RBMXL1: variants seen among roughly 807,000 people sequenced by gnomAD.
RBMXL1 encodes the protein RBMX like 1.
In RBMXL1, 18 loss-of-function variants were observed where a neutral mutation model predicts 29.0. The observed-to-expected ratio is 0.62, with a 90% CI of 0.43 to 0.92. The LOEUF (loss-of-function observed/expected upper bound fraction) is 0.92, where lower values mean the gene tolerates loss of function less well. RBMXL1 is among the 40% of genes least tolerant of loss of function. The pLI is 0.00. For synonymous variants in RBMXL1, 141 were observed against 170.4 expected, an observed-to-expected ratio of 0.83 and a Z score of 1.34; for missense variants, 403 against 495.8, an observed-to-expected ratio of 0.81 and a Z score of 1.78.
At chr1:88,988,138 A>G (rs1677577223) in intron 2 of RBMXL1, 114 bp downstream of exon 2, 1 of 659,288 alleles carries the variant, frequency 1.5e-6, no homozygotes, top group Non-Finnish European at 2.6e-6. Context: ...CAGCATATGT[A>G]ATAGAAATGT....
At chr1:88,988,112 T>C (rs1170587035) in intron 2 of RBMXL1, 140 bp downstream of exon 2, 1 of 581,274 alleles carries the variant, frequency 1.7e-6, no homozygotes. Flanking sequence ...TTCTAGTCAA[T>C]GACAAGAGAC....
At chr1:88,991,982 G>GTTTT (rs1368135539) in intron 1 of RBMXL1, among the ~76,000 whole-genome samples, 5 of 21,048 alleles carry the variant, frequency 2.4e-4, no homozygotes, top group South Asian at 3.1e-3. Context: ...GTATTCTTTT[G>GTTTT]GTTTTTTTTT....
At position 88,982,787 on chromosome 1, in the gene RBMXL1, C is replaced by T; in HGVS notation, c.1040G>A (p.Gly347Glu). 1 of 1,613,940 alleles carries T rather than the reference C, an allele frequency of 6.2e-7. No individual in the cohort carries two copies. The highest frequency in any genetic ancestry group is 8.5e-7 in the Non-Finnish European group (1 of 1,179,874). The change falls in exon 3 of 3, where the codon GGG becomes GAG. Residue 347 changes from glycine (G) to glutamate (E), a missense_variant. By Grantham distance (98) the Gly-to-Glu change is moderately conservative. Transcript: ENST00000652648. The part of the protein sequence containing the change: ...SCDRVGRQER[G>E]LPPSVERGYP... ...CCCCCTTTCTACAGAAGGGGGAAGCCCTCTTTCTTGTCTGCCAACCCTGTC... is the reference window on the plus strand; with the variant it reads ...CCCCCTTTCTACAGAAGGGGGAAGCTCTCTTTCTTGTCTGCCAACCCTGTC...
chr1:88,985,732 A>G (rs562115177), intron 2 of RBMXL1, among the ~76,000 whole-genome samples: 1 of 152,358 alleles, frequency 6.6e-6, no homozygotes, highest in Non-Finnish European at 1.5e-5. Context: ...AATATAGTTC[A>G]TGGCATACAA....
At chr1:88,986,479 A>G (rs952921878) in intron 2 of RBMXL1, among the ~76,000 whole-genome samples, 5 of 150,470 alleles carry the variant, frequency 3.3e-5, no homozygotes, top group African/African-American at 4.9e-5. Flanking sequence ...TTTAATAGAG[A>G]TGAGGTTTTG....
intron 1 of RBMXL1, among the ~76,000 whole-genome samples, 187 bp downstream of exon 1, chr1:88,992,398 G>A (rs1050566737): frequency 6.6e-6 from 1 of 152,258 alleles, no homozygotes; most frequent in Non-Finnish European, 1.5e-5. Flanking sequence ...CTGGAGGCCA[G>A]TCACCTCGGC....
chr1:88,982,951 A>G lies in RBMXL1; in HGVS notation c.876T>C (p.Arg292=), dbSNP rs2101083155. 6.2e-7 allele frequency: 1 copy of G among 1,613,904 alleles called. No individual in the cohort carries two copies. The highest frequency in any genetic ancestry group is 8.5e-7 in the Non-Finnish European group (1 of 1,179,908). Residue 292 remains arginine (R), a synonymous_variant, in exon 3 of 3, where the codon CGT becomes CGC. Coordinates refer to ENST00000652648, the MANE Select transcript of RBMXL1 (RefSeq NM_001162536.3). Reference sequence around the variant, plus strand: ...GGGGCCCTCGTGTAAGTGGAGCACTACGTGAGTTACCATAACTCTCATATG... The same window carrying G: ...GGGGCCCTCGTGTAAGTGGAGCACTGCGTGAGTTACCATAACTCTCATATG... ...RDSYESYGNS[R]SAPLTRGPPP... is the part of the protein sequence containing the mutation.
rs754322976 is a variant in RBMXL1, at chr1:88,983,583, C to T, written c.244G>A (p.Glu82Lys). ...KSLDGKAIKV[E>K]QATKPSFERG... ...TCAAATGATGGTTTGGTGGCTTGTT[C>T]CACCTTGATGGCTTTTCCATCTAAT... Residue 82 changes from glutamate (E) to lysine (K), a missense_variant, in exon 3 of 3, where the codon GAA (glutamate) becomes AAA (lysine). Coordinates refer to ENST00000652648, the MANE Select transcript of RBMXL1 (RefSeq NM_001162536.3). The T allele has an allele frequency of 6.2e-7, 1 of 1,614,186 alleles. No individual in the cohort carries two copies. Among genetic ancestry groups the T allele is most frequent in the Non-Finnish European group, 8.5e-7 (1 of 1,180,036 alleles).
At position 88,983,984 on chromosome 1, in the gene RBMXL1, T is replaced by G; in HGVS notation, c.-158A>C. ...CACTACTGCGCAATCTGGATGCTTT[T>G]TAAGGTATGGCTATCCATTCAAAAA... On this transcript the variant is annotated 5_prime_UTR_variant, in exon 3 of 3. Coordinates refer to ENST00000652648, the MANE Select transcript of RBMXL1 (RefSeq NM_001162536.3). 1.6e-6 allele frequency: 1 copy of G among 628,620 alleles called. No individual in the cohort carries two copies. Among genetic ancestry groups the G allele is most frequent in the South Asian group, 1.8e-5 (1 of 56,080 alleles). 38.9% of individuals were successfully genotyped at this position (628,620 alleles called of 1,614,324 possible).
chr1:88,986,210 CAGAG>C (rs1184047381), intron 2 of RBMXL1, among the ~76,000 whole-genome samples: 1 of 148,522 alleles, frequency 6.7e-6, no homozygotes, highest in Admixed American at 6.7e-5. Flanking sequence ...GAGAGAGAGA[CAGAG>C]AGAGTTGATT....
At chr1:88,984,930 T>C (rs1015304283) in intron 2 of RBMXL1, among the ~76,000 whole-genome samples, 2 of 152,270 alleles carry the variant, frequency 1.3e-5, no homozygotes, top group African/African-American at 4.8e-5. Context: ...GTACTGGTTA[T>C]AACTTCTGTC....
Position 88,988,371 on chromosome 1 carries a change from T to C in RBMXL1, c.-340-20A>G. ...AACATGCTATTAAATAAAAGAAAAA[T>C]TGAGAAGAGGAATAAATATATGATG... On this transcript the variant is annotated intron_variant, in intron 1 of 2. Transcript: ENST00000652648. The C allele has an allele frequency of 6.8e-7, 1 of 1,476,172 alleles. No homozygotes were observed. Among genetic ancestry groups the C allele is most frequent in the Non-Finnish European group, 9.5e-7 (1 of 1,056,838 alleles). 91.4% of individuals were successfully genotyped at this position (1,476,172 alleles called of 1,614,324 possible).
intron 2 of RBMXL1, 86 bp from the exon 3 acceptor site, chr1:88,984,152 A>G (rs959535201): frequency 9.1e-6 from 3 of 331,432 alleles, no homozygotes; most frequent in Non-Finnish European, 1.7e-5. Context: ...AAAAAATGCA[A>G]TTATATTAAG....
chr1:88,990,731 G>A (rs868782125), intron 1 of RBMXL1, among the ~76,000 whole-genome samples: 5 of 152,124 alleles, frequency 3.3e-5, no homozygotes, highest in Non-Finnish European at 7.4e-5. Flanking sequence ...TGAAAAAATG[G>A]CTCTGAAGAA....
chr1:88,981,082 TA>T lies in RBMXL1; in HGVS notation c.*1571del, dbSNP rs1228707532. ...GGCTCTAGTCTCCAAAGCAATAAAC[TA>T]AAACTTGTTTCCAAGACGGGGAGGT... is the stretch of plus-strand genomic sequence containing the variant. On this transcript the variant is annotated 3_prime_UTR_variant, in exon 3 of 3. Transcript: ENST00000652648. 6.6e-6 allele frequency: 1 copy of T among 152,192 alleles called. No homozygotes were observed. The highest frequency in any genetic ancestry group is 1.5e-5 in the Non-Finnish European group (1 of 68,026). The allele number at this position is 152,192 out of a possible 1,614,324, so 9.4% of individuals were successfully genotyped here.
At position 88,982,360 on chromosome 1, in the gene RBMXL1, G is replaced by T. The variant is rs998234751; in HGVS notation, c.*294C>A. On this transcript the variant is annotated 3_prime_UTR_variant, in exon 3 of 3. Transcript: ENST00000652648. ...TCATTTACTGGGAAAAACCAGATAG[G>T]AAGTGGTCTTTAGGGACACCTTTAC... The T allele has an allele frequency of 7.2e-5, 54 of 747,330 alleles. No individual in the cohort carries two copies. The highest frequency in any genetic ancestry group is 1.3e-5 in the Non-Finnish European group (7 of 553,050). The allele number at this position is 747,330 out of a possible 1,614,324, so 46.3% of individuals were successfully genotyped here. A position where few individuals can be genotyped will look rare whatever the true frequency, so the allele number is the denominator to read the frequency against.
chr1:88,991,319 G>A (rs1018197683), intron 1 of RBMXL1, among the ~76,000 whole-genome samples: 2 of 152,206 alleles, frequency 1.3e-5, no homozygotes, highest in African/African-American at 2.4e-5. Flanking sequence ...ACATGGGGAG[G>A]AGAGGTAGTA....
At position 88,981,741 on chromosome 1, in the gene RBMXL1, A is replaced by C. The variant is rs1178940029; in HGVS notation, c.*913T>G. On this transcript the variant is annotated 3_prime_UTR_variant, in exon 3 of 3. Transcript: ENST00000652648. ...AGCACTCCACAAACATAATGAGCACAATCTTCAACCATCTTTGCTGTTTCA... is the reference window on the plus strand; with the variant it reads ...AGCACTCCACAAACATAATGAGCACCATCTTCAACCATCTTTGCTGTTTCA... 5.5e-6 allele frequency: 1 copy of C among 180,314 alleles called. No individual in the cohort carries two copies. Among genetic ancestry groups the C allele is most frequent in the African/African-American group, 2.4e-5 (1 of 41,710 alleles). The allele number at this position is 180,314 out of a possible 1,614,324, so 11.2% of individuals were successfully genotyped here.
chr1:88,986,277 C>T (rs1297729663), intron 2 of RBMXL1, among the ~76,000 whole-genome samples: 6 of 150,262 alleles, frequency 4.0e-5, no homozygotes, highest in Non-Finnish European at 7.4e-5. Context: ...GTTGCTTTTG[C>T]GCTTCTCTGG....
Sources: allele counts gnomAD v4.1 joint callset (sites outside exome capture counted in the v4.1 genomes callset), GRCh38; gene constraint gnomAD v4.1.1; transcripts MANE v1.5; gene names NCBI Gene and HGNC (gene_info 2026-07-23, HGNC 2026-07-21).